Variants in CACNG2 observed in about 807,000 individuals in gnomAD.
The protein encoded by CACNG2 is calcium voltage-gated channel auxiliary subunit gamma 2.
A neutral mutation model predicts 25.9 loss-of-function variants in CACNG2; 3 were observed. That is an observed-to-expected ratio of 0.12 (90% confidence interval 0.05 to 0.30). The LOEUF (loss-of-function observed/expected upper bound fraction) is 0.30, where lower values mean the gene tolerates loss of function less well. Ranked by LOEUF, CACNG2 falls within the 10% of genes least tolerant of loss-of-function variation. The pLI, the probability that CACNG2 is intolerant of heterozygous loss-of-function variation, is 1.00. For missense variants in CACNG2, 341 were observed against 432.5 expected (o/e 0.79, Z 1.88); for synonymous variants, 167 against 173.3 (o/e 0.96, Z 0.29).
At chr22:36,640,645 C>A (rs1936430454) in intron 1 of CACNG2, among the ~76,000 whole-genome samples, 1 of 152,218 alleles carries the variant, frequency 6.6e-6, no homozygotes, top group Non-Finnish European at 1.5e-5. Flanking sequence ...TTCAGCATCA[C>A]CTTCCCTCAC....
chr22:36,582,210 ATGG>A (rs1169389100), intron 2 of CACNG2, among the ~76,000 whole-genome samples: 1 of 152,100 alleles, frequency 6.6e-6, no homozygotes, highest in Non-Finnish European at 1.5e-5. Context: ...CAAAAGTGAG[ATGG>A]TGTCTGTCAA....
intron 1 of CACNG2, among the ~76,000 whole-genome samples, chr22:36,632,911 C>G (rs557645093): frequency 6.6e-6 from 1 of 152,182 alleles, no homozygotes; most frequent in South Asian, 2.1e-4. Context: ...AGACCTTACC[C>G]AATCTATCCC....
chr22:36,565,846 A>G (rs759804244), intron 3 of CACNG2, among the ~76,000 whole-genome samples: 1 of 152,210 alleles, frequency 6.6e-6, no homozygotes, highest in African/African-American at 2.4e-5. Flanking sequence ...TTTTTCTGGC[A>G]TCTGAAGTGA....
At chr22:36,678,119 GCAGCTGCTCAC>G (rs1937041501) in intron 1 of CACNG2, among the ~76,000 whole-genome samples, 1 of 152,164 alleles carries the variant, frequency 6.6e-6, no homozygotes, top group Admixed American at 6.5e-5. Flanking sequence ...CCAAGGGAGG[GCAGCTGCTCAC>G]CAGCCTGGCA....
intron 1 of CACNG2, among the ~76,000 whole-genome samples, chr22:36,650,505 C>G (rs1190522095): frequency 6.6e-6 from 1 of 152,012 alleles, no homozygotes; most frequent in Non-Finnish European, 1.5e-5. Context: ...CTAAGTATAG[C>G]TGGGACTATA....
intron 1 of CACNG2, among the ~76,000 whole-genome samples, chr22:36,609,827 C>A (rs1447493215): frequency 7.4e-6 from 1 of 135,442 alleles, no homozygotes; most frequent in Non-Finnish European, 1.6e-5. Flanking sequence ...ATGATCAGGA[C>A]GAATCAGTTC....
intron 1 of CACNG2, among the ~76,000 whole-genome samples, chr22:36,630,807 G>A (rs1010065943): frequency 6.6e-6 from 1 of 152,092 alleles, no homozygotes; most frequent in Non-Finnish European, 1.5e-5. Flanking sequence ...AAGGCGGGAT[G>A]GAGAGATGTG....
intron 1 of CACNG2, among the ~76,000 whole-genome samples, chr22:36,609,674 C>T (rs191814783): frequency 5.6e-5 from 5 of 90,070 alleles, no homozygotes; most frequent in South Asian, 7.6e-4. Context: ...AGAGCGTGAT[C>T]GGGCAGGAAT....
chr22:36,701,228 A>T (rs1937407874), intron 1 of CACNG2, among the ~76,000 whole-genome samples: 1 of 152,148 alleles, frequency 6.6e-6, no homozygotes, highest in Non-Finnish European at 1.5e-5. Flanking sequence ...ATGGAAGCAT[A>T]TGTATCTCTC....
chr22:36,681,100 A>G, intron 1 of CACNG2, among the ~76,000 whole-genome samples: 1 of 152,188 alleles, frequency 6.6e-6, no homozygotes, highest in Non-Finnish European at 1.5e-5. Flanking sequence ...AGATCTATCT[A>G]TCATCTATCT....
intron 1 of CACNG2, among the ~76,000 whole-genome samples, chr22:36,689,560 C>A (rs1030126129): frequency 1.1e-4 from 17 of 152,176 alleles, no homozygotes; most frequent in Non-Finnish European, 2.5e-4. Flanking sequence ...GAGATTCAAA[C>A]GACAGGTCTT....
intron 1 of CACNG2, among the ~76,000 whole-genome samples, chr22:36,664,224 A>C (rs1198029051): frequency 7.6e-6 from 1 of 131,344 alleles, no homozygotes; most frequent in Non-Finnish European, 1.7e-5. Context: ...AGAAGGTCAG[A>C]CACACACACA....
chr22:36,599,863 T>C (rs539410432), intron 1 of CACNG2, among the ~76,000 whole-genome samples: 1 of 152,212 alleles, frequency 6.6e-6, no homozygotes, highest in Non-Finnish European at 1.5e-5. Flanking sequence ...TCCAAATATG[T>C]CTTGTTCTTT....
rs373523660 is a variant in CACNG2 at position 36,662,395 on chromosome 22, CCTT to C, written c.211+39968_211+39970del. 5.3e-5 allele frequency among the ~76,000 whole-genome samples: 8 copies of C among 152,294 alleles called. No individual in the cohort carries two copies. The South Asian group carries it at 1.2e-3, about 24-fold the overall frequency. ...TCAGTGATCTGCCAGTTCATTCACT[CCTT>C]CATCCCATTTTCTGACCTGACCCCT... On this transcript the variant is annotated intron_variant, in intron 1 of 3. Coordinates refer to ENST00000300105, the MANE Select transcript of CACNG2 (RefSeq NM_006078.5).
At chr22:36,578,200 A>G (rs1603500623) in intron 2 of CACNG2, among the ~76,000 whole-genome samples, 1 of 150,718 alleles carries the variant, frequency 6.6e-6, no homozygotes, top group Middle Eastern at 3.4e-3. Context: ...CGTCTCTACT[A>G]AAAAAAAATA....
intron 1 of CACNG2, among the ~76,000 whole-genome samples, chr22:36,593,967 C>T (rs575593842): frequency 6.6e-6 from 1 of 152,162 alleles, no homozygotes; most frequent in Admixed American, 6.5e-5. Flanking sequence ...GACATCACTC[C>T]AGTAAGGGGA....
intron 2 of CACNG2, among the ~76,000 whole-genome samples, chr22:36,579,404 CAAAAAAAAAAAA>C (rs34224180): frequency 3.4e-4 from 16 of 47,180 alleles, no homozygotes; most frequent in Non-Finnish European, 4.6e-4. Flanking sequence ...AACTCTGTCT[CAAAAAAAAAAAA>C]AAAAAAAAAA....
In CACNG2 at chr22:36,657,323, T is replaced by C. The variant is rs148433382; in HGVS notation, c.211+45043A>G. Among the ~76,000 whole-genome samples, 10 of 152,240 alleles carry C rather than the reference T, an allele frequency of 6.6e-5. No homozygotes were observed. In the East Asian group the frequency reaches 1.9e-3, roughly 29 times the overall value. ...GTGAGACAAGTCTTCAGTTCCACAA[T>C]GGATAGAAACCAGAGGAGATTATAA... On this transcript the variant is annotated intron_variant, in intron 1 of 3. Transcript: ENST00000300105.
chr22:36,671,572 C>A (rs951979643), intron 1 of CACNG2, among the ~76,000 whole-genome samples: 2 of 152,156 alleles, frequency 1.3e-5, no homozygotes, highest in African/African-American at 4.8e-5. Context: ...CAAATCTGGG[C>A]GTTAGGATCT....
Sources: gnomAD v4.1 joint callset for allele counts (sites outside exome capture counted in the v4.1 genomes callset) on GRCh38, gnomAD v4.1.1 for gene constraint, MANE v1.5 for transcripts, NCBI Gene and HGNC (gene_info 2026-07-23, HGNC 2026-07-21) for gene names.